Variants in PTBP3 observed in about 807,000 individuals in gnomAD.
PTBP3 encodes the protein polypyrimidine tract-binding protein 3.
In PTBP3, 20 loss-of-function variants were observed where a neutral mutation model predicts 58.7. That is an observed-to-expected ratio of 0.34 (90% CI 0.24 to 0.50). PTBP3 has a LOEUF of 0.50. PTBP3 is among the 20% of genes least tolerant of loss of function. PTBP3 has a pLI of 0.98. For missense variants in PTBP3, 509 were observed against 637.2 expected, an observed-to-expected ratio of 0.80 and a Z score of 2.17; for synonymous variants, 185 against 219.8, an observed-to-expected ratio of 0.84 and a Z score of 1.40.
At chr9:112,283,511 T>G (rs1827970718) in intron 2 of PTBP3, among the ~76,000 whole-genome samples, 1 of 152,110 alleles carries the variant, frequency 6.6e-6, no homozygotes, top group Non-Finnish European at 1.5e-5. Flanking sequence ...CTCAGATGAT[T>G]TAGGGTATCT....
chr9:112,302,781 G>T (rs992447239), intron 1 of PTBP3, among the ~76,000 whole-genome samples: 1 of 151,816 alleles, frequency 6.6e-6, no homozygotes, highest in African/African-American at 2.4e-5. Context: ...GTAGAGACAG[G>T]GTTTCACCCT....
the PTBP3 span, chr9:112,362,839 C>A: frequency 6.2e-6 from 2 of 321,674 alleles, no homozygotes; most frequent in South Asian, 6.6e-5. Context: ...GAGACAACTG[C>A]GTTCATAGAA....
intron 7 of PTBP3, among the ~76,000 whole-genome samples, chr9:112,244,390 C>T (rs1184071844): frequency 6.7e-6 from 1 of 149,774 alleles, no homozygotes; most frequent in African/African-American, 2.5e-5. Flanking sequence ...CATGAACAAA[C>T]ATCCAGGCTG....
At chr9:112,260,162 G>T (rs541487878) in intron 5 of PTBP3, among the ~76,000 whole-genome samples, 1 of 152,216 alleles carries the variant, frequency 6.6e-6, no homozygotes, top group South Asian at 2.1e-4. Flanking sequence ...ACCCGCCTTG[G>T]CCTCTCAAAG....
At chr9:112,366,548 C>T in the PTBP3 span, among the ~76,000 whole-genome samples, 2 of 152,130 alleles carry the variant, frequency 1.3e-5, no homozygotes, top group East Asian at 1.9e-4. Flanking sequence ...CCCCAATCCT[C>T]GGAAGCTTCC....
the PTBP3 span, among the ~76,000 whole-genome samples, chr9:112,349,330 C>A: frequency 6.6e-6 from 1 of 152,088 alleles, no homozygotes. Context: ...CTCTTCCATC[C>A]GAGTGTTCCT....
intron 2 of PTBP3, among the ~76,000 whole-genome samples, chr9:112,277,020 T>C (rs895335689): frequency 2.6e-5 from 4 of 152,168 alleles, no homozygotes; most frequent in Non-Finnish European, 4.4e-5. Context: ...CTCTAAACAC[T>C]AATGAAACTT....
intron 1 of PTBP3, among the ~76,000 whole-genome samples, chr9:112,329,629 A>G (rs756686976): frequency 6.6e-6 from 1 of 152,184 alleles, no homozygotes; most frequent in Non-Finnish European, 1.5e-5. Flanking sequence ...CACATCTTGG[A>G]CACAAACTTT....
intron 5 of PTBP3, among the ~76,000 whole-genome samples, chr9:112,258,929 C>G (rs141742088): frequency 6.6e-6 from 1 of 152,296 alleles, no homozygotes; most frequent in African/African-American, 2.4e-5. Flanking sequence ...GGACAAGAGC[C>G]TCCACTTAAC....
chr9:112,267,168 C>CTTTT (rs59575179), intron 4 of PTBP3, among the ~76,000 whole-genome samples: 1 of 137,608 alleles, frequency 7.3e-6, no homozygotes, highest in Non-Finnish European at 1.6e-5. Flanking sequence ...AACCCACTTT[C>CTTTT]TTTTTTTTTT....
intron 1 of PTBP3, among the ~76,000 whole-genome samples, chr9:112,310,565 C>A (rs1216732522): frequency 6.6e-6 from 1 of 152,200 alleles, no homozygotes; most frequent in Non-Finnish European, 1.5e-5. Context: ...AGGCCTTTAA[C>A]CACTGGGGAA....
chr9:112,361,534 C>A, the PTBP3 span, among the ~76,000 whole-genome samples: 2 of 124,034 alleles, frequency 1.6e-5, no homozygotes, highest in African/African-American at 3.1e-5. Context: ...GCATTATTTT[C>A]ATTAAGACAT....
At chr9:112,276,698 A>G (rs1245860730) in intron 2 of PTBP3, among the ~76,000 whole-genome samples, 1 of 152,152 alleles carries the variant, frequency 6.6e-6, no homozygotes, top group African/African-American at 2.4e-5. Context: ...CAAGCCCTCC[A>G]GGAGATTCTA....
intron 5 of PTBP3, among the ~76,000 whole-genome samples, chr9:112,260,595 A>C (rs1336403736): frequency 6.6e-6 from 1 of 152,192 alleles, no homozygotes; most frequent in Non-Finnish European, 1.5e-5. Context: ...TAAGAAATAC[A>C]AGACAGAAAT....
chr9:112,369,025 G>A, the PTBP3 span, among the ~76,000 whole-genome samples: 4 of 152,384 alleles, frequency 2.6e-5, no homozygotes, highest in East Asian at 7.7e-4. Flanking sequence ...TGTGCCTGCA[G>A]ATGCAAAGAG....
chr9:112,350,494 G>A, the PTBP3 span, among the ~76,000 whole-genome samples: 1 of 152,214 alleles, frequency 6.6e-6, no homozygotes, highest in African/African-American at 2.4e-5. Context: ...CATTAGTAGA[G>A]TACATTTGTT....
rs570066129 is a variant in PTBP3, at chr9:112,245,926, A to C, written c.802+5003T>G. On this transcript the variant is annotated intron_variant, in intron 7 of 13. Transcript: ENST00000374257. ...AAATGAATGAAAGTGATGATAAGAAACCTCATCCTCTCAAAGTGCTGGGAT... is the reference window on the plus strand; with the variant it reads ...AAATGAATGAAAGTGATGATAAGAACCCTCATCCTCTCAAAGTGCTGGGAT... 2.6e-5 allele frequency among the ~76,000 whole-genome samples: 4 copies of C among 152,242 alleles called. No individual in the cohort carries two copies. In the South Asian group the frequency reaches 8.3e-4, roughly 32 times the overall value.
At chr9:112,351,829 G>A in the PTBP3 span, among the ~76,000 whole-genome samples, 1 of 152,000 alleles carries the variant, frequency 6.6e-6, no homozygotes, top group Non-Finnish European at 1.5e-5. Context: ...CAATGTGGGG[G>A]TTTTTTGGTT....
chr9:112,340,831 G>A, the PTBP3 span, among the ~76,000 whole-genome samples: 1 of 151,102 alleles, frequency 6.6e-6, no homozygotes, highest in Non-Finnish European at 1.5e-5. Flanking sequence ...AGCCGAGATC[G>A]CGCCATTGCA....
Sources: allele counts gnomAD v4.1 joint callset (sites outside exome capture counted in the v4.1 genomes callset), GRCh38; gene constraint gnomAD v4.1.1; transcripts MANE v1.5; gene names NCBI Gene and HGNC (gene_info 2026-07-23, HGNC 2026-07-21).